CBFA2T3: variants seen among roughly 807,000 people sequenced by gnomAD.
CBFA2T3 encodes the protein CBFA2/RUNX1 partner transcriptional co-repressor 3.
In CBFA2T3, 31 loss-of-function variants were observed where a neutral mutation model predicts 58.6. The observed-to-expected ratio is 0.53, with a 90% CI of 0.40 to 0.71. The LOEUF (loss-of-function observed/expected upper bound fraction) is 0.71, where lower values mean the gene tolerates loss of function less well. CBFA2T3 is among the 30% of genes least tolerant of loss of function. CBFA2T3 has a pLI of 0.00. For missense variants in CBFA2T3, 1,076 were observed against 963.1 expected (o/e 1.12, Z -1.55); for synonymous variants, 531 against 421.9 (o/e 1.26, Z -3.17).
At chr16:88,961,070 C>T (rs1286309081) in intron 1 of CBFA2T3, among the ~76,000 whole-genome samples, 5 of 152,342 alleles carry the variant, frequency 3.3e-5, no homozygotes, top group East Asian at 1.9e-4. Flanking sequence ...TCTGAGGTCT[C>T]GCTGTGGGCA....
intron 1 of CBFA2T3, among the ~76,000 whole-genome samples, chr16:88,975,714 C>T (rs1388063497): frequency 6.6e-6 from 1 of 152,272 alleles, no homozygotes; most frequent in Non-Finnish European, 1.5e-5. Flanking sequence ...ACATCTGGGG[C>T]CCTTGTGGGG....
At chr16:88,965,506 C>G (rs1044813517) in intron 1 of CBFA2T3, among the ~76,000 whole-genome samples, 2 of 152,208 alleles carry the variant, frequency 1.3e-5, no homozygotes, top group African/African-American at 2.4e-5. Context: ...CCACAGGCCC[C>G]GAATCCTGCT....
chr16:88,906,800 G>T (rs1044043460), intron 1 of CBFA2T3, among the ~76,000 whole-genome samples: 6 of 152,174 alleles, frequency 3.9e-5, no homozygotes, highest in African/African-American at 1.4e-4. Context: ...GAAGCACCAG[G>T]GCATGTGCCT....
At position 88,885,954 on chromosome 16, in the gene CBFA2T3, C is replaced by A; in HGVS notation, c.893+7G>T. 6.5e-7 allele frequency: 1 copy of A among 1,547,714 alleles called. No homozygotes were observed. Among genetic ancestry groups the A allele is most frequent in the South Asian group, 1.2e-5 (1 of 84,004 alleles). On this transcript the variant is annotated splice_region_variant and intron_variant, in intron 6 of 11. Transcript: ENST00000268679. The surrounding 1 kb of genome is among the most constrained non-coding windows in gnomAD (Gnocchi z 5.3). ...CCCCAGCCCAGATCCCCGGAGCCCACAGGTACCTGTCGGGCGTCCTCCTCT... is the reference window on the plus strand; with the variant it reads ...CCCCAGCCCAGATCCCCGGAGCCCAAAGGTACCTGTCGGGCGTCCTCCTCT...
chr16:88,947,046 T>C (rs953325542), intron 1 of CBFA2T3, among the ~76,000 whole-genome samples: 6 of 152,188 alleles, frequency 3.9e-5, no homozygotes, highest in African/African-American at 1.2e-4. Context: ...TCTAGACACA[T>C]AGAATGTAAC....
At chr16:88,909,573 C>T (rs867128363) in intron 1 of CBFA2T3, among the ~76,000 whole-genome samples, 1,731 of 152,280 alleles carry the variant, frequency 0.011, 42 homozygotes, top group African/African-American at 0.04. Flanking sequence ...CCCGGGTGAC[C>T]ATCACGGCGG....
chr16:88,885,554 A>G lies in CBFA2T3; in HGVS notation c.894-285T>C, dbSNP rs530883044. 6.0e-4 allele frequency among the ~76,000 whole-genome samples: 92 copies of G among 152,168 alleles called. 3 individuals are homozygous for G. The South Asian group carries it at 0.016, about 27-fold the overall frequency. On this transcript the variant is annotated intron_variant, in intron 6 of 11. Coordinates refer to ENST00000268679, the MANE Select transcript of CBFA2T3 (RefSeq NM_005187.6). The surrounding 1 kb of genome is among the most constrained non-coding windows in gnomAD (Gnocchi z 5.3). ...GACTCGCTGCTCTGGGAACGAGGAGAGGGATACACCAGGCTTCCGTAACTG... is the reference window on the plus strand; with the variant it reads ...GACTCGCTGCTCTGGGAACGAGGAGGGGGATACACCAGGCTTCCGTAACTG...
intron 1 of CBFA2T3, among the ~76,000 whole-genome samples, chr16:88,916,352 G>A (rs1426816205): frequency 6.6e-6 from 1 of 151,858 alleles, no homozygotes; most frequent in African/African-American, 2.4e-5. Context: ...ATGGGTGTGT[G>A]TCCGTGTATA....
chr16:88,928,128 G>C (rs933726579), intron 1 of CBFA2T3, among the ~76,000 whole-genome samples: 1 of 151,640 alleles, frequency 6.6e-6, no homozygotes, highest in Non-Finnish European at 1.5e-5. Context: ...ACTGTCCCAC[G>C]GGGCTCTGTT....
Position 88,877,170 on chromosome 16 carries a change from G to A in CBFA2T3, c.1768C>T (p.His590Tyr), listed in dbSNP as rs760961214. 1 of 1,552,706 alleles carries A rather than the reference G, an allele frequency of 6.4e-7. No individual in the cohort carries two copies. Among genetic ancestry groups the A allele is most frequent in the Non-Finnish European group, 8.7e-7 (1 of 1,148,638 alleles). ...CCCTGCAGGCTCTGGCCACACACGT[G>A]GTGATGCTTCTCCCAGTCCCGATGC... ...CQHRDWEKHHHVCGQSLQGPT... is the reference protein window; with the variant it reads ...CQHRDWEKHHYVCGQSLQGPT... The change falls in exon 12 of 12, where the codon CAC becomes TAC. Residue 590 changes from histidine (H) to tyrosine (Y), a missense_variant. Coordinates refer to ENST00000268679, the MANE Select transcript of CBFA2T3 (RefSeq NM_005187.6).
Position 88,885,897 on chromosome 16 carries a change from G to T in CBFA2T3, c.893+64C>A. On this transcript the variant is annotated intron_variant, in intron 6 of 11. Transcript: ENST00000268679. The surrounding 1 kb of genome is among the most constrained non-coding windows in gnomAD (Gnocchi z 5.3). The stretch of plus-strand genomic sequence containing the variant: ...GAGGAGGTTCCCTCTCTTACCCAGA[G>T]GGGAGCAGGGTGAGCCGCGTGTCCA... 1 of 1,413,204 alleles carries T rather than the reference G, an allele frequency of 7.1e-7. No homozygotes were observed. The highest frequency in any genetic ancestry group is 9.7e-7 in the Non-Finnish European group (1 of 1,033,724). 87.5% of individuals were successfully genotyped at this position (1,413,204 alleles called of 1,614,324 possible). A position where few individuals can be genotyped will look rare whatever the true frequency, so the allele number is the denominator to read the frequency against.
intron 1 of CBFA2T3, among the ~76,000 whole-genome samples, chr16:88,975,324 CTCCTTCCACGGTAGACACCCCCG>C (rs879783515): frequency 2.6e-4 from 39 of 149,520 alleles, no homozygotes; most frequent in South Asian, 2.1e-4. Context: ...TGGCCCTAAC[CTCCTTCCACGGTAGACACCCCCG>C]TCCTTCCACA....
chr16:88,969,313 C>T (rs1972590502), intron 1 of CBFA2T3, among the ~76,000 whole-genome samples: 1 of 152,192 alleles, frequency 6.6e-6, no homozygotes, highest in African/African-American at 2.4e-5. Flanking sequence ...GCTCCGGGAG[C>T]CCACAGGGTG....
rs575328884 is a variant in CBFA2T3 at position 88,893,999 on chromosome 16, T to C, written c.380-1514A>G. Among the ~76,000 whole-genome samples, 16 of 152,240 alleles carry C rather than the reference T, an allele frequency of 1.1e-4. No homozygotes were observed. The East Asian group carries it at 3.1e-3, about 29-fold the overall frequency. On this transcript the variant is annotated intron_variant, in intron 3 of 11. Coordinates refer to ENST00000268679, the MANE Select transcript of CBFA2T3 (RefSeq NM_005187.6). ...GAGGCCTGAAGTCCTGGCCAGCTCCTTCTGTCAGGAGGACTGAAGCCCCGC... is the reference window on the plus strand; with the variant it reads ...GAGGCCTGAAGTCCTGGCCAGCTCCCTCTGTCAGGAGGACTGAAGCCCCGC...
intron 5 of CBFA2T3, among the ~76,000 whole-genome samples, chr16:88,889,130 G>A (rs1969519712): frequency 6.6e-6 from 1 of 151,744 alleles, no homozygotes; most frequent in Non-Finnish European, 1.5e-5. Flanking sequence ...TGGGAGGGGT[G>A]GAGTCCGCAG....
chr16:88,946,730 C>T (rs1302518530), intron 1 of CBFA2T3, among the ~76,000 whole-genome samples: 2 of 152,020 alleles, frequency 1.3e-5, no homozygotes, highest in Non-Finnish European at 2.9e-5. Flanking sequence ...ATCTGCCCAC[C>T]TCGGCCTCCC....
chr16:88,946,249 G>C (rs1159608412), intron 1 of CBFA2T3, among the ~76,000 whole-genome samples: 1 of 151,964 alleles, frequency 6.6e-6, no homozygotes, highest in Non-Finnish European at 1.5e-5. Context: ...AGAGGTTGTA[G>C]TGGCAGTGAG....
chr16:88,966,871 G>C (rs1319470555), intron 1 of CBFA2T3, among the ~76,000 whole-genome samples: 1 of 152,156 alleles, frequency 6.6e-6, no homozygotes, highest in Non-Finnish European at 1.5e-5. Context: ...ATTTCCCCCA[G>C]GAAGCCGGGA....
intron 1 of CBFA2T3, among the ~76,000 whole-genome samples, chr16:88,910,175 G>T (rs907390230): frequency 6.6e-6 from 1 of 152,230 alleles, no homozygotes; most frequent in Non-Finnish European, 1.5e-5. Context: ...TTTGCATGGC[G>T]GTGTTTCTGC....
Sources: allele counts gnomAD v4.1 joint callset (sites outside exome capture counted in the v4.1 genomes callset), GRCh38; gene constraint gnomAD v4.1.1; non-coding constraint Gnocchi (gnomAD v3.1); transcripts MANE v1.5; gene names NCBI Gene and HGNC (gene_info 2026-07-23, HGNC 2026-07-21).